TMEM132D: variants seen among roughly 807,000 people sequenced by gnomAD.
TMEM132D encodes mature OL transmembrane protein.
A neutral mutation model predicts 62.3 loss-of-function variants in TMEM132D; 21 were observed. The ratio of observed to expected loss-of-function variants is 0.34; its 90% CI spans 0.24 to 0.49. The LOEUF (loss-of-function observed/expected upper bound fraction) is 0.49. Ranked by LOEUF, TMEM132D falls within the 20% of genes least tolerant of loss-of-function variation. The pLI, the probability that TMEM132D is intolerant of heterozygous loss-of-function variation, is 0.99. For synonymous variants in TMEM132D, 621 were observed against 575.6 expected (o/e 1.08, Z -1.13); for missense variants, 1,346 against 1,402.8 (o/e 0.96, Z 0.65).
chr12:129,242,377 G>A (rs1185869413), intron 4 of TMEM132D, among the ~76,000 whole-genome samples: 1 of 152,204 alleles, frequency 6.6e-6, no homozygotes, highest in Non-Finnish European at 1.5e-5. Flanking sequence ...CCATTTTTAT[G>A]TCTACGTAGA....
rs1871053888 is a variant in TMEM132D at position 129,779,508 on chromosome 12, CAT to C, written c.80-78812_80-78811del. ...TATTGTCCCAGGCTGGTCTCAAACT[CAT>C]GGACTCAAACCACCTGCCTGCCTCA... On this transcript the variant is annotated intron_variant, in intron 1 of 8. Coordinates refer to ENST00000422113, the MANE Select transcript of TMEM132D (RefSeq NM_133448.3). This position sits in a 1 kb window ranked among gnomAD's most constrained non-coding sequence, Gnocchi z 4.1. Among the ~76,000 whole-genome samples, 1 of 152,206 alleles carries C rather than the reference CAT, an allele frequency of 6.6e-6. No homozygotes were observed.
chr12:129,333,747 C>T (rs1177073121), intron 4 of TMEM132D, among the ~76,000 whole-genome samples: 1 of 152,188 alleles, frequency 6.6e-6, no homozygotes, highest in Non-Finnish European at 1.5e-5. Context: ...GGCAGAGCTC[C>T]TAGACTGATG....
intron 4 of TMEM132D, among the ~76,000 whole-genome samples, chr12:129,235,130 G>A (rs879263745): frequency 1.3e-5 from 2 of 152,162 alleles, no homozygotes; most frequent in Admixed American, 6.5e-5. Context: ...ACCAGCCTCC[G>A]CTATGCTAGG....
intron 3 of TMEM132D, among the ~76,000 whole-genome samples, chr12:129,501,369 T>A (rs183811352): frequency 1.3e-5 from 2 of 152,072 alleles, no homozygotes; most frequent in African/African-American, 4.8e-5. Context: ...ATTTCTCTTT[T>A]GAAAAAAAAA....
At chr12:129,270,123 C>T (rs550501514) in intron 4 of TMEM132D, among the ~76,000 whole-genome samples, 18 of 152,310 alleles carry the variant, frequency 1.2e-4, no homozygotes, top group Admixed American at 3.9e-4. Context: ...TTCCTCGGTT[C>T]CAGTGTCCTG....
At position 129,771,302 on chromosome 12, in the gene TMEM132D, T is replaced by A. The variant is rs911025976; in HGVS notation, c.80-70604A>T. 5.9e-5 allele frequency among the ~76,000 whole-genome samples: 9 copies of A among 152,336 alleles called. No homozygotes were observed. The East Asian group carries it at 1.7e-3, about 29-fold the overall frequency. Reference sequence around the variant, plus strand: ...GTGCAGGTTTGAGGGGATTAACCACTCTGTGCCTCAATTTCCTCATCTGTA... The same window carrying A: ...GTGCAGGTTTGAGGGGATTAACCACACTGTGCCTCAATTTCCTCATCTGTA... On this transcript the variant is annotated intron_variant, in intron 1 of 8. Transcript: ENST00000422113.
chr12:129,145,692 G>A (rs959803725), intron 5 of TMEM132D, among the ~76,000 whole-genome samples: 11 of 151,970 alleles, frequency 7.2e-5, no homozygotes, highest in African/African-American at 2.4e-4. Context: ...TTGTGTTACC[G>A]ACACCCTCTG....
intron 3 of TMEM132D, among the ~76,000 whole-genome samples, chr12:129,464,503 T>G (rs949692482): frequency 6.6e-6 from 1 of 152,228 alleles, no homozygotes; most frequent in African/African-American, 2.4e-5. Flanking sequence ...ATTTTGGCTT[T>G]TGTTGCCATT....
At chr12:129,557,574 G>A (rs1593065273) in intron 2 of TMEM132D, among the ~76,000 whole-genome samples, 1 of 152,210 alleles carries the variant, frequency 6.6e-6, no homozygotes, top group Admixed American at 6.5e-5. Context: ...AAATTAGCCA[G>A]GTGTGGTAAG....
intron 3 of TMEM132D, among the ~76,000 whole-genome samples, chr12:129,345,492 A>C (rs1181112890): frequency 6.6e-6 from 1 of 152,210 alleles, no homozygotes; most frequent in African/African-American, 2.4e-5. Flanking sequence ...TTTCTATGTA[A>C]TACTGGTATT....
intron 3 of TMEM132D, among the ~76,000 whole-genome samples, chr12:129,511,638 T>C (rs1309640305): frequency 6.6e-6 from 1 of 152,246 alleles, no homozygotes; most frequent in Non-Finnish European, 1.5e-5. Flanking sequence ...ATATCTACTT[T>C]TGTGAAATCT....
At chr12:129,653,141 A>G (rs548321319) in intron 2 of TMEM132D, among the ~76,000 whole-genome samples, 2 of 152,248 alleles carry the variant, frequency 1.3e-5, no homozygotes, top group Admixed American at 6.5e-5. Flanking sequence ...TCCACGCTGG[A>G]GGTCATGAGG....
intron 5 of TMEM132D, among the ~76,000 whole-genome samples, chr12:129,088,688 ATGACCGGGTGTCCTCCC>A (rs1216559586): frequency 1.9e-4 from 7 of 36,748 alleles, no homozygotes; most frequent in Admixed American, 3.5e-4. Flanking sequence ...GGTGTCCTCT[ATGACCGGGTGTCCTCCC>A]TGACCGGGTG....
intron 1 of TMEM132D, among the ~76,000 whole-genome samples, chr12:129,795,781 A>G (rs1331577661): frequency 6.6e-6 from 1 of 152,152 alleles, no homozygotes; most frequent in Non-Finnish European, 1.5e-5. Flanking sequence ...TCATTCTTAC[A>G]TGTTTGTCAA....
At chr12:129,101,635 A>G (rs1354492384) in intron 5 of TMEM132D, among the ~76,000 whole-genome samples, 1 of 152,200 alleles carries the variant, frequency 6.6e-6, no homozygotes. Context: ...TAAGCTGCAG[A>G]TCTCGGGTTT....
At chr12:129,878,892 C>T (rs528992929) in intron 1 of TMEM132D, among the ~76,000 whole-genome samples, 1 of 152,118 alleles carries the variant, frequency 6.6e-6, no homozygotes, top group Non-Finnish European at 1.5e-5. Flanking sequence ...TTGGAAGCAC[C>T]TGCAGGATAC....
chr12:129,738,576 A>T (rs1869501252), intron 1 of TMEM132D, among the ~76,000 whole-genome samples: 1 of 152,200 alleles, frequency 6.6e-6, no homozygotes. Flanking sequence ...GGCAAGACAC[A>T]CTGTAAAACT....
chr12:129,663,172 T>G (rs1223457899), intron 2 of TMEM132D, among the ~76,000 whole-genome samples: 1 of 151,720 alleles, frequency 6.6e-6, no homozygotes, highest in Non-Finnish European at 1.5e-5. Context: ...GGAGTTTCAC[T>G]CATTACCCAG....
At chr12:129,418,846 G>A (rs942316938) in intron 3 of TMEM132D, among the ~76,000 whole-genome samples, 9 of 152,116 alleles carry the variant, frequency 5.9e-5, no homozygotes, top group Non-Finnish European at 1.2e-4. Flanking sequence ...GTTCCTATAC[G>A]AAGGCCAGGT....
Sources: gnomAD v4.1 joint callset for allele counts (sites outside exome capture counted in the v4.1 genomes callset) on GRCh38, gnomAD v4.1.1 for gene constraint, Gnocchi (gnomAD v3.1) non-coding constraint, MANE v1.5 for transcripts, NCBI Gene and HGNC (gene_info 2026-07-23, HGNC 2026-07-21) for gene names.